The following IQCM variants were observed in gnomAD, a reference collection of about 807,000 sequenced individuals.
IQCM encodes the protein IQ domain-containing protein M.
A neutral mutation model predicts 57.6 loss-of-function variants in IQCM; 45 were observed. The ratio of observed to expected loss-of-function variants is 0.78; its 90% confidence interval spans 0.62 to 1.00. The LOEUF (loss-of-function observed/expected upper bound fraction) is 1.00. IQCM is among the 50% of genes least tolerant of loss of function. IQCM has a pLI of 0.00. For synonymous variants in IQCM, 148 were observed against 158.9 expected (o/e 0.93, Z 0.51); for missense variants, 468 against 511.6 (o/e 0.91, Z 0.82).
chr4:149,792,939 G>A lies in IQCM; in HGVS notation c.-49+22372C>T, dbSNP rs539486235. Among the ~76,000 whole-genome samples, 21 of 152,238 alleles carry A rather than the reference G, an allele frequency of 1.4e-4. No homozygotes were observed. In the South Asian group the frequency reaches 4.2e-3, roughly 30 times the overall value. The stretch of plus-strand genomic sequence containing the variant: ...TCTACCGTAGACCCCACACATCTCA[G>A]CACGGGAACAATGTTCACATGCAGT... On this transcript the variant is annotated intron_variant, in intron 2 of 13. Coordinates refer to ENST00000636793, the MANE Select transcript of IQCM (RefSeq NM_001363507.2).
chr4:149,459,080 T>C (rs1738003572), intron 12 of IQCM, among the ~76,000 whole-genome samples: 1 of 152,238 alleles, frequency 6.6e-6, no homozygotes, highest in South Asian at 2.1e-4. Context: ...ATAGAGTGAC[T>C]GTGACTGTGC....
At chr4:149,608,905 G>C (rs1579683424) in intron 8 of IQCM, among the ~76,000 whole-genome samples, 1 of 151,360 alleles carries the variant, frequency 6.6e-6, no homozygotes, top group East Asian at 1.9e-4. Context: ...ATAAAGATCA[G>C]AGCAGACATA....
chr4:149,696,778 T>C (rs1186186948), intron 5 of IQCM, among the ~76,000 whole-genome samples: 1 of 152,154 alleles, frequency 6.6e-6, no homozygotes, highest in African/African-American at 2.4e-5. Flanking sequence ...CATGGTCTTT[T>C]CTTGGTAGAT....
At chr4:149,630,493 G>T (rs1406765213) in intron 7 of IQCM, among the ~76,000 whole-genome samples, 1 of 152,060 alleles carries the variant, frequency 6.6e-6, no homozygotes, top group Non-Finnish European at 1.5e-5. Flanking sequence ...AATTTAAAGG[G>T]CATATTCTTA....
intron 9 of IQCM, among the ~76,000 whole-genome samples, chr4:149,564,489 C>T (rs891527962): frequency 1.3e-5 from 2 of 152,040 alleles, no homozygotes; most frequent in African/African-American, 4.8e-5. Context: ...AAGTATTGAT[C>T]CTGAGTGTGT....
At chr4:149,710,803 G>A in intron 5 of IQCM, 1 of 152,146 alleles carries the variant, frequency 6.6e-6, no homozygotes, top group Admixed American at 6.6e-5. Context: ...TGAAGTTTCT[G>A]AAATTCATCA....
chr4:149,683,477 T>C (rs1762336933), intron 6 of IQCM, among the ~76,000 whole-genome samples: 1 of 151,334 alleles, frequency 6.6e-6, no homozygotes, highest in South Asian at 2.1e-4. Flanking sequence ...ATACGATCTA[T>C]TAATTTGACT....
chr4:149,662,523 A>C (rs1335972298), intron 7 of IQCM, among the ~76,000 whole-genome samples: 1 of 151,990 alleles, frequency 6.6e-6, no homozygotes, highest in African/African-American at 2.4e-5. Context: ...AAAGTGCTCT[A>C]CTAATTTTAT....
chr4:149,660,645 T>C lies in IQCM; in HGVS notation c.565+21473A>G, dbSNP rs1408036979. 5.3e-4 allele frequency among the ~76,000 whole-genome samples: 81 copies of C among 152,150 alleles called. 1 individual carries two copies. The South Asian group carries it at 0.015, about 28-fold the overall frequency. ...GGCACATATACACCATGGAATACTA[T>C]GCAGCCATAAAAAAGGATGAGTTCA... On this transcript the variant is annotated intron_variant, in intron 7 of 13. Coordinates refer to ENST00000636793, the MANE Select transcript of IQCM (RefSeq NM_001363507.2).
At position 149,633,696 on chromosome 4, in the gene IQCM, G is replaced by A. The variant is rs75645488; in HGVS notation, c.566-12452C>T. Among the ~76,000 whole-genome samples the A allele has an allele frequency of 7.3e-3, 1,114 of 152,208 alleles. 21 individuals are homozygous for A. The highest frequency in any genetic ancestry group is 0.026 in the African/African-American group (1,065 of 41,540). On this transcript the variant is annotated intron_variant, in intron 7 of 13. Transcript: ENST00000636793. ...CTTTACTGGTCTTACTAACTACTAT[G>A]TCCACATATGAACCTTTCCTCCAGT...
intron 2 of IQCM, among the ~76,000 whole-genome samples, chr4:149,748,023 C>T (rs1049715862): frequency 2.6e-5 from 4 of 152,130 alleles, no homozygotes; most frequent in African/African-American, 7.2e-5. Context: ...AATCCTACCT[C>T]GTCTAGAAGC....
intron 12 of IQCM, among the ~76,000 whole-genome samples, chr4:149,529,128 A>G (rs917605537): frequency 2.0e-5 from 3 of 152,124 alleles, no homozygotes; most frequent in African/African-American, 7.2e-5. Flanking sequence ...CAGTAGCACA[A>G]TCTCAGCTCA....
chr4:149,664,899 A>G (rs1358695883), intron 7 of IQCM, among the ~76,000 whole-genome samples: 1 of 152,154 alleles, frequency 6.6e-6, no homozygotes, highest in East Asian at 1.9e-4. Flanking sequence ...ATGCTATGCC[A>G]GTGTGCACAG....
chr4:149,786,330 G>A (rs546424149), intron 2 of IQCM, among the ~76,000 whole-genome samples: 1 of 152,276 alleles, frequency 6.6e-6, no homozygotes, highest in East Asian at 1.9e-4. Flanking sequence ...GAATATCAGA[G>A]TGGAGAGATT....
At chr4:149,690,868 C>T (rs1762893734) in intron 5 of IQCM, 3 of 152,168 alleles carry the variant, frequency 2.0e-5, no homozygotes, top group Non-Finnish European at 4.4e-5. Context: ...TTCCCAAGAT[C>T]CTTTAACCTG....
chr4:149,494,827 G>A (rs1350084923), intron 12 of IQCM, among the ~76,000 whole-genome samples: 2 of 152,106 alleles, frequency 1.3e-5, no homozygotes, highest in Admixed American at 1.3e-4. Flanking sequence ...AAGCACAGTA[G>A]TCATGGGAGG....
chr4:149,659,396 C>T (rs1026564964), intron 7 of IQCM, among the ~76,000 whole-genome samples: 11 of 152,138 alleles, frequency 7.2e-5, no homozygotes, highest in Non-Finnish European at 1.2e-4. Context: ...ATGAAAATGG[C>T]CATACTGCCC....
intron 13 of IQCM, among the ~76,000 whole-genome samples, chr4:149,371,759 T>C (rs1730384306): frequency 6.6e-6 from 1 of 152,180 alleles, no homozygotes; most frequent in Non-Finnish European, 1.5e-5. Context: ...AAATGCAGCA[T>C]TTTTCTACTT....
At chr4:149,425,317 G>T (rs1385831127) in intron 13 of IQCM, among the ~76,000 whole-genome samples, 1 of 151,992 alleles carries the variant, frequency 6.6e-6, no homozygotes, top group African/African-American at 2.4e-5. Context: ...ACTAGCTCAT[G>T]CCATTGCAAA....
Sources: allele counts gnomAD v4.1 joint callset (sites outside exome capture counted in the v4.1 genomes callset), GRCh38; gene constraint gnomAD v4.1.1; transcripts MANE v1.5; gene names NCBI Gene and HGNC (gene_info 2026-07-23, HGNC 2026-07-21).